The following QRFPR variants were observed in gnomAD, a reference collection of about 807,000 sequenced individuals.
QRFPR encodes pyroglutamylated RFamide peptide receptor.
A neutral mutation model predicts 31.3 loss-of-function variants in QRFPR; 37 were observed. The ratio of observed to expected loss-of-function variants is 1.18; its 90% CI spans 0.91 to 1.56. The LOEUF (loss-of-function observed/expected upper bound fraction) is 1.56, where lower values mean the gene tolerates loss of function less well. QRFPR is among the 40% of genes most tolerant of loss of function. The pLI, the probability that QRFPR is intolerant of heterozygous loss-of-function variation, is 0.00. For missense variants in QRFPR, 542 were observed against 532.5 expected, an observed-to-expected ratio of 1.02 and a Z score of -0.18; for synonymous variants, 197 against 192.0, an observed-to-expected ratio of 1.03 and a Z score of -0.22.
At chr4:121,344,324 T>C (rs2110471815) in intron 1 of QRFPR, among the ~76,000 whole-genome samples, 1 of 152,332 alleles carries the variant, frequency 6.6e-6, no homozygotes, top group South Asian at 2.1e-4. Context: ...GCCCATGCTA[T>C]GTGGCAGTTT....
At chr4:121,361,292 A>G (rs1327790312) in intron 1 of QRFPR, among the ~76,000 whole-genome samples, 1 of 150,116 alleles carries the variant, frequency 6.7e-6, no homozygotes, top group Non-Finnish European at 1.5e-5. Context: ...GACAAGTAAA[A>G]GTGATAGTGT....
chr4:121,334,899 G>A (rs564491181), intron 3 of QRFPR, among the ~76,000 whole-genome samples: 5 of 152,246 alleles, frequency 3.3e-5, no homozygotes, highest in South Asian at 2.1e-4. Flanking sequence ...TTCGAGAAGC[G>A]TACATTTGGG....
rs145201070 is a variant in QRFPR, at chr4:121,357,916, T to C, written c.341-17306A>G. Among the ~76,000 whole-genome samples the C allele has an allele frequency of 2.1e-3, 322 of 152,280 alleles. 3 individuals are homozygous for C. The highest frequency in any genetic ancestry group is 7.4e-3 in the African/African-American group (307 of 41,556). ...GATTTATTTTATATTCTATCTTCTCTTTCATTCACATATTTGTTCATTCAC... is the reference window on the plus strand; with the variant it reads ...GATTTATTTTATATTCTATCTTCTCCTTCATTCACATATTTGTTCATTCAC... On this transcript the variant is annotated intron_variant, in intron 1 of 5. Transcript: ENST00000394427.
At chr4:121,370,258 C>T (rs904426191) in intron 1 of QRFPR, 20 of 782,710 alleles carry the variant, frequency 2.6e-5, no homozygotes, top group Non-Finnish European at 4.0e-5. Context: ...TAGCTGAGTG[C>T]CCGGCGGTAT....
intron 1 of QRFPR, among the ~76,000 whole-genome samples, chr4:121,365,566 T>TATATATATAATATATATA (rs1726097965): frequency 1.0e-3 from 3 of 2,924 alleles, no homozygotes; most frequent in Non-Finnish European, 1.6e-3. Context: ...TAATATATAT[T>TATATATATAATATATATA]ATATATAATA....
Position 121,380,360 on chromosome 4 carries a change from G to C in QRFPR, c.288C>G (p.Phe96Leu). The change falls in exon 1 of 6, where the codon TTC becomes TTG. Residue 96 changes from phenylalanine to leucine, a missense_variant. Coordinates refer to ENST00000394427, the MANE Select transcript of QRFPR (RefSeq NM_198179.3). ...SLALSDLLIT[F>L]FCIPVTMLQN... ...GGAGCATGGTGACGGGAATGCAGAA[G>C]AAGGTGATGAGCAGGTCACTGAGCG... is the stretch of plus-strand genomic sequence containing the variant. 6.2e-7 allele frequency: 1 copy of C among 1,614,212 alleles called. No individual in the cohort carries two copies. The highest frequency in any genetic ancestry group is 8.5e-7 in the Non-Finnish European group (1 of 1,180,022).
chr4:121,376,473 T>C (rs1412548807), intron 1 of QRFPR, among the ~76,000 whole-genome samples: 1 of 152,148 alleles, frequency 6.6e-6, no homozygotes, highest in Admixed American at 6.5e-5. Context: ...GTCCCAGCAG[T>C]GTACAAAAGA....
chr4:121,346,784 T>C (rs1725658604), intron 1 of QRFPR, among the ~76,000 whole-genome samples: 1 of 152,224 alleles, frequency 6.6e-6, no homozygotes, highest in Non-Finnish European at 1.5e-5. Context: ...ATTGGTGTAA[T>C]CATATGATTT....
chr4:121,371,081 A>G (rs1726234448), intron 1 of QRFPR, among the ~76,000 whole-genome samples: 1 of 152,180 alleles, frequency 6.6e-6, no homozygotes, highest in Admixed American at 6.5e-5. Flanking sequence ...TCCACAATCC[A>G]TGTTTGTTTT....
intron 1 of QRFPR, among the ~76,000 whole-genome samples, chr4:121,361,139 CT>C (rs1322688011): frequency 7.5e-6 from 1 of 133,470 alleles, no homozygotes; most frequent in Non-Finnish European, 1.6e-5. Context: ...AGAAAAAGCA[CT>C]CAATTTCCCT....
At chr4:121,340,742 T>G in intron 1 of QRFPR, 132 bp from the exon 2 acceptor site, 1 of 750,620 alleles carries the variant, frequency 1.3e-6, no homozygotes, top group East Asian at 2.7e-5. Flanking sequence ...AATTACTCTG[T>G]AGACACAAAA....
intron 1 of QRFPR, among the ~76,000 whole-genome samples, chr4:121,349,648 T>C (rs904507686): frequency 1.3e-5 from 2 of 152,160 alleles, no homozygotes; most frequent in Admixed American, 6.6e-5. Context: ...TATGTGGAAA[T>C]GTGCCCTCGT....
intron 3 of QRFPR, among the ~76,000 whole-genome samples, chr4:121,333,757 C>T (rs1363906924): frequency 1.3e-5 from 2 of 152,134 alleles, no homozygotes; most frequent in East Asian, 1.9e-4. Context: ...GCTTTAAGGG[C>T]TAGTTCAAGA....
intron 1 of QRFPR, among the ~76,000 whole-genome samples, chr4:121,364,797 C>A (rs1374670767): frequency 6.7e-6 from 1 of 149,746 alleles, no homozygotes; most frequent in Non-Finnish European, 1.5e-5. Context: ...ATGTATTCAG[C>A]CTACAAGAGT....
intron 1 of QRFPR, chr4:121,369,360 C>T (rs1002823520): frequency 7.6e-6 from 5 of 655,506 alleles, no homozygotes; most frequent in African/African-American, 1.8e-5. Flanking sequence ...TTTCCTATGT[C>T]AAAGCCAAGA....
intron 1 of QRFPR, among the ~76,000 whole-genome samples, chr4:121,377,835 G>A (rs1231815459): frequency 6.6e-6 from 1 of 152,100 alleles, no homozygotes; most frequent in Non-Finnish European, 1.5e-5. Flanking sequence ...ATCCTCAATA[G>A]CTTTGTAAAA....
At chr4:121,370,531 G>A (rs1726219115) in intron 1 of QRFPR, among the ~76,000 whole-genome samples, 1 of 152,222 alleles carries the variant, frequency 6.6e-6, no homozygotes, top group Admixed American at 6.5e-5. Context: ...GACTGCCTGT[G>A]GCCGGGAGTC....
At chr4:121,369,503 C>A in intron 1 of QRFPR, 1 of 1,423,560 alleles carries the variant, frequency 7.0e-7, no homozygotes, top group Non-Finnish European at 9.8e-7. Context: ...CTGTTTCCTC[C>A]CTTCCGTCAC....
At chr4:121,358,343 G>T (rs1239677464) in intron 1 of QRFPR, among the ~76,000 whole-genome samples, 1 of 152,106 alleles carries the variant, frequency 6.6e-6, no homozygotes, top group East Asian at 1.9e-4. Flanking sequence ...AAATACTCCT[G>T]ACAGAGCCAA....
Sources: allele counts gnomAD v4.1 joint callset (sites outside exome capture counted in the v4.1 genomes callset), GRCh38; gene constraint gnomAD v4.1.1; transcripts MANE v1.5; gene names NCBI Gene and HGNC (gene_info 2026-07-23, HGNC 2026-07-21).